ADRA1A: variants seen among roughly 807,000 people sequenced by gnomAD.
The protein encoded by ADRA1A is alpha-1A adrenergic receptor.
A neutral mutation model predicts 29.6 loss-of-function variants in ADRA1A; 31 were observed. The observed-to-expected ratio is 1.05, with a 90% CI of 0.79 to 1.41. ADRA1A has a LOEUF of 1.41. Ranked by LOEUF, ADRA1A falls within the 40% of genes most tolerant of loss-of-function variation. The pLI, the probability that ADRA1A is intolerant of heterozygous loss-of-function variation, is 0.00. For synonymous variants in ADRA1A, 311 were observed against 254.3 expected (o/e 1.22, Z -2.12); for missense variants, 619 against 601.1 (o/e 1.03, Z -0.31).
Position 26,774,716 on chromosome 8 carries a change from CATT to C in ADRA1A, c.884-4053_884-4051del, listed in dbSNP as rs528590377. 5.5e-4 allele frequency among the ~76,000 whole-genome samples: 83 copies of C among 151,542 alleles called. 1 individual carries two copies. The South Asian group carries it at 0.017, about 31-fold the overall frequency. On this transcript the variant is annotated intron_variant, in intron 2 of 2. Transcript: ENST00000380573. ...AAAGAACTGCTCCTCTCCTTATTGA[CATT>C]ATTCCCATCCACGTATTTCTTCCTT... is the stretch of plus-strand genomic sequence containing the variant.
At chr8:26,797,106 T>C (rs1330655542) in intron 2 of ADRA1A, among the ~76,000 whole-genome samples, 1 of 152,154 alleles carries the variant, frequency 6.6e-6, no homozygotes, top group Non-Finnish European at 1.5e-5. Flanking sequence ...ATGATGTGTG[T>C]TATTGTAACA....
chr8:26,804,136 G>T (rs1808798058), intron 2 of ADRA1A, among the ~76,000 whole-genome samples: 1 of 151,898 alleles, frequency 6.6e-6, no homozygotes. Context: ...TGTCCAGGCT[G>T]GTCTCAAACT....
intron 2 of ADRA1A, among the ~76,000 whole-genome samples, chr8:26,850,332 A>G (rs1469818599): frequency 6.6e-6 from 1 of 152,254 alleles, no homozygotes; most frequent in African/African-American, 2.4e-5. Flanking sequence ...ATGAAGCATT[A>G]AATGCCAAGA....
intron 2 of ADRA1A, among the ~76,000 whole-genome samples, chr8:26,857,030 G>T (rs1021574368): frequency 6.6e-6 from 1 of 152,350 alleles, no homozygotes; most frequent in South Asian, 2.1e-4. Context: ...CAAGAGATGA[G>T]TCTGTCTCGC....
intron 2 of ADRA1A, among the ~76,000 whole-genome samples, chr8:26,827,953 G>A (rs1439861929): frequency 1.3e-5 from 2 of 152,050 alleles, no homozygotes; most frequent in African/African-American, 4.8e-5. Context: ...GGGTGCAGTG[G>A]CGTGATCATG....
intron 2 of ADRA1A, among the ~76,000 whole-genome samples, chr8:26,797,446 G>A (rs998870946): frequency 6.6e-6 from 1 of 151,912 alleles, no homozygotes; most frequent in South Asian, 2.1e-4. Context: ...ATAGGCATGA[G>A]CCACCATGCC....
chr8:26,777,820 C>T (rs1806662090), intron 2 of ADRA1A, among the ~76,000 whole-genome samples: 1 of 152,232 alleles, frequency 6.6e-6, no homozygotes, highest in Admixed American at 6.5e-5. Context: ...GCTGGGCACA[C>T]ATCCCCGAAG....
chr8:26,858,721 C>G (rs562457411), intron 2 of ADRA1A, among the ~76,000 whole-genome samples: 1 of 152,330 alleles, frequency 6.6e-6, no homozygotes, highest in South Asian at 2.1e-4. Context: ...CATAGTCTCT[C>G]TACTCATCTC....
intron 2 of ADRA1A, among the ~76,000 whole-genome samples, chr8:26,834,500 A>C (rs1485652972): frequency 6.6e-6 from 1 of 152,232 alleles, no homozygotes; most frequent in Non-Finnish European, 1.5e-5. Flanking sequence ...ACAAATCAGG[A>C]CATCTGCTGA....
chr8:26,749,739 A>C (rs1448985862), intron 2 of ADRA1A, among the ~76,000 whole-genome samples: 1 of 152,168 alleles, frequency 6.6e-6, no homozygotes, highest in African/African-American at 2.4e-5. Flanking sequence ...TTTGGCCTTA[A>C]GACTCCTCCA....
chr8:26,849,287 C>A (rs987554580), intron 2 of ADRA1A, among the ~76,000 whole-genome samples: 1 of 152,212 alleles, frequency 6.6e-6, no homozygotes, highest in Non-Finnish European at 1.5e-5. Context: ...GAAACTGCGA[C>A]ACACACAGGA....
At chr8:26,852,397 T>G (rs1184416692) in intron 2 of ADRA1A, among the ~76,000 whole-genome samples, 1 of 152,032 alleles carries the variant, frequency 6.6e-6, no homozygotes, top group Non-Finnish European at 1.5e-5. Context: ...ATTACATTAA[T>G]GTACTGGGAA....
At chr8:26,861,905 T>C (rs2130790013) in intron 2 of ADRA1A, among the ~76,000 whole-genome samples, 1 of 152,296 alleles carries the variant, frequency 6.6e-6, no homozygotes, top group East Asian at 1.9e-4. Flanking sequence ...CCTCGACTTC[T>C]AATAGCCTTT....
intron 2 of ADRA1A, among the ~76,000 whole-genome samples, chr8:26,760,258 G>C (rs1805429617): frequency 6.6e-6 from 1 of 152,194 alleles, no homozygotes; most frequent in Admixed American, 6.5e-5. Context: ...GATTTTTCAA[G>C]AGGCACAAGG....
chr8:26,863,277 T>A (rs1005361111), intron 2 of ADRA1A, among the ~76,000 whole-genome samples: 8 of 152,230 alleles, frequency 5.3e-5, no homozygotes, highest in African/African-American at 1.9e-4. Context: ...CTGATACTTA[T>A]AATGAGCTAA....
intron 2 of ADRA1A, among the ~76,000 whole-genome samples, chr8:26,812,440 C>T (rs866719040): frequency 1.3e-5 from 2 of 152,048 alleles, no homozygotes; most frequent in East Asian, 3.9e-4. Context: ...ACACTACTTT[C>T]TTAAGGATAT....
intron 2 of ADRA1A, among the ~76,000 whole-genome samples, chr8:26,837,227 A>C (rs969963058): frequency 6.6e-5 from 10 of 152,196 alleles, no homozygotes; most frequent in African/African-American, 2.4e-4. Context: ...AAGCTTTTTA[A>C]ATTTATTTTT....
At chr8:26,777,229 C>G (rs1194802177) in intron 2 of ADRA1A, among the ~76,000 whole-genome samples, 4 of 152,204 alleles carry the variant, frequency 2.6e-5, no homozygotes, top group African/African-American at 4.8e-5. Flanking sequence ...GACCAGGGCT[C>G]TCTAAGAAGG....
chr8:26,842,815 G>A (rs1049479112), intron 2 of ADRA1A, among the ~76,000 whole-genome samples: 4 of 150,652 alleles, frequency 2.7e-5, no homozygotes, highest in African/African-American at 9.8e-5. Context: ...TAATAATATT[G>A]TCCCACCAAG....
Sources: allele counts gnomAD v4.1 joint callset (sites outside exome capture counted in the v4.1 genomes callset), GRCh38; gene constraint gnomAD v4.1.1; transcripts MANE v1.5; gene names NCBI Gene and HGNC (gene_info 2026-07-23, HGNC 2026-07-21).